The following CACNA2D4 variants were observed in gnomAD, a reference collection of about 807,000 sequenced individuals.
CACNA2D4 encodes the protein calcium voltage-gated channel auxiliary subunit alpha2delta 4.
Under a neutral mutation model 163.8 loss-of-function variants are expected in CACNA2D4, and 157 were observed. The ratio of observed to expected loss-of-function variants is 0.96; its 90% CI spans 0.84 to 1.09. The LOEUF (loss-of-function observed/expected upper bound fraction) is 1.09. Among genes scored for constraint, CACNA2D4 ranks in the 50% least tolerant of loss-of-function variants. CACNA2D4 has a pLI of 0.00. For missense variants in CACNA2D4, 1,410 were observed against 1,479.9 expected, an observed-to-expected ratio of 0.95 and a Z score of 0.78; for synonymous variants, 598 against 586.9, an observed-to-expected ratio of 1.02 and a Z score of -0.27.
In CACNA2D4 at chr12:1,811,707, C is replaced by T. The variant is rs1385257290; in HGVS notation, c.2568G>A (p.Met856Ile). 6.4e-7 allele frequency: 1 copy of T among 1,559,960 alleles called. No individual in the cohort carries two copies. Residue 856 changes from methionine to isoleucine, a missense_variant, in exon 27 of 38, where the codon ATG (methionine) becomes ATA (isoleucine). Physicochemically the swap from Met to Ile is conservative, Grantham distance 10. Coordinates refer to ENST00000382722, the MANE Select transcript of CACNA2D4 (RefSeq NM_172364.5). ...TAIAAAAGVQ[M>I]KLEFLQRKFW... ...ATTTGCGCTGGAGGAATTCCAGCTT[C>T]ATTTGGACGCCCGCGGCTACAGGGC...
At chr12:1,909,747 C>A (rs1302803416) in intron 4 of CACNA2D4, among the ~76,000 whole-genome samples, 159 bp downstream of exon 4, 1 of 152,228 alleles carries the variant, frequency 6.6e-6, no homozygotes, top group Non-Finnish European at 1.5e-5. Flanking sequence ...AAGTTCCGAT[C>A]CAGAGGCTAG....
Position 1,886,993 on chromosome 12 carries a change from C to T in CACNA2D4, c.842+16G>A, listed in dbSNP as rs1411388039. On this transcript the variant is annotated intron_variant, in intron 7 of 37. Coordinates refer to ENST00000382722, the MANE Select transcript of CACNA2D4 (RefSeq NM_172364.5). ...TAAATACCCGGGCCGCAAACCTTTC[C>T]CCTGTGAGCTCTTACCAGCCGCGGT... The T allele has an allele frequency of 6.4e-7, 1 of 1,571,406 alleles. No homozygotes were observed. The highest frequency in any genetic ancestry group is 8.7e-7 in the Non-Finnish European group (1 of 1,150,026).
chr12:1,879,050 C>T lies in CACNA2D4; in HGVS notation c.1564-14G>A, dbSNP rs780764776. 9 of 1,611,370 alleles carry T rather than the reference C, an allele frequency of 5.6e-6. 2 individuals are homozygous for T. In the South Asian group the frequency reaches 6.6e-5, roughly 12 times the overall value. Reference sequence around the variant, plus strand: ...GCCATGGGATCGCTGGAAGGAAAGACACAAGGGGTGGGGGAGACCCAGCTT... The same window carrying T: ...GCCATGGGATCGCTGGAAGGAAAGATACAAGGGGTGGGGGAGACCCAGCTT... On this transcript the variant is annotated splice_polypyrimidine_tract_variant and intron_variant, in intron 14 of 37. Coordinates refer to ENST00000382722, the MANE Select transcript of CACNA2D4 (RefSeq NM_172364.5).
intron 29 of CACNA2D4, 91 bp downstream of exon 29, chr12:1,810,187 C>T (rs2154445802): frequency 9.3e-7 from 1 of 1,071,232 alleles, no homozygotes; most frequent in East Asian, 2.4e-5. Flanking sequence ...CCTCCTGGGG[C>T]CGTGGGGCTC....
chr12:1,873,484 C>T (rs1865825327), intron 18 of CACNA2D4, among the ~76,000 whole-genome samples: 1 of 152,144 alleles, frequency 6.6e-6, no homozygotes, highest in Non-Finnish European at 1.5e-5. Flanking sequence ...AGAAGAGAAC[C>T]ACACCCACTG....
chr12:1,801,630 C>A lies in CACNA2D4; in HGVS notation c.2736G>T (p.Leu912=). 6.3e-7 allele frequency: 1 copy of A among 1,586,152 alleles called. No individual in the cohort carries two copies. The highest frequency in any genetic ancestry group is 8.6e-7 in the Non-Finnish European group (1 of 1,165,472). ...SKRSRETGRF[L]GEVDGAVLTQ... ...TCAGGACAGCACCATCCACCTCCCCCAGAAATCTTCCCGTCTGTGAGAGAG... is the reference window on the plus strand; with the variant it reads ...TCAGGACAGCACCATCCACCTCCCCAAGAAATCTTCCCGTCTGTGAGAGAG... Residue 912 remains leucine (L), a synonymous_variant, in exon 30 of 38, where the codon CTG becomes CTT. Transcript: ENST00000382722.
intron 23 of CACNA2D4, among the ~76,000 whole-genome samples, chr12:1,846,944 G>A (rs1021231314): frequency 1.3e-5 from 2 of 152,204 alleles, no homozygotes; most frequent in Non-Finnish European, 2.9e-5. Context: ...TCTCTGCCTC[G>A]GCAGATCTAG....
chr12:1,816,914 C>CATACGTACACACACATGCACAT (rs1863896100), intron 26 of CACNA2D4, among the ~76,000 whole-genome samples: 1 of 152,252 alleles, frequency 6.6e-6, no homozygotes, highest in Non-Finnish European at 1.5e-5. Context: ...CACATGCACA[C>CATACGTACACACACATGCACAT]ATACGTACAC....
At chr12:1,909,814 C>T (rs1422398062) in intron 4 of CACNA2D4, 92 bp downstream of exon 4, 3 of 1,049,950 alleles carry the variant, frequency 2.9e-6, no homozygotes, top group African/African-American at 3.1e-5. Flanking sequence ...CAGTGGATCG[C>T]CACCCTACGC....
At chr12:1,894,486 T>G (rs909590676) in intron 6 of CACNA2D4, among the ~76,000 whole-genome samples, 1 of 152,130 alleles carries the variant, frequency 6.6e-6, no homozygotes, top group Admixed American at 6.5e-5. Context: ...GCAAAAAATC[T>G]TCAACAAAAT....
At position 1,918,537 on chromosome 12, in the gene CACNA2D4, C is replaced by A; in HGVS notation, c.-64G>T. 4 of 1,340,590 alleles carry A rather than the reference C, an allele frequency of 3.0e-6. No homozygotes were observed. Among genetic ancestry groups the A allele is most frequent in the South Asian group, 1.3e-5 (1 of 77,054 alleles). 83.0% of individuals were successfully genotyped at this position (1,340,590 alleles called of 1,614,324 possible). ...CAGGCCTTTGTCTTCCGTGCCTTGG[C>A]GAGCCTGGGGTCTCCAGCCTCTCAG... On this transcript the variant is annotated 5_prime_UTR_variant, in exon 1 of 38. Transcript: ENST00000382722.
intron 26 of CACNA2D4, among the ~76,000 whole-genome samples, chr12:1,830,728 C>T (rs892129210): frequency 1.2e-4 from 19 of 152,214 alleles, no homozygotes; most frequent in South Asian, 2.1e-4. Flanking sequence ...GCCCTGCAGA[C>T]ACTGTGTGAT....
intron 29 of CACNA2D4, among the ~76,000 whole-genome samples, chr12:1,807,056 T>C (rs1397038602): frequency 6.6e-6 from 1 of 151,884 alleles, no homozygotes; most frequent in Non-Finnish European, 1.5e-5. Context: ...CTCTTGAGTA[T>C]AGGTTGGACA....
intron 26 of CACNA2D4, among the ~76,000 whole-genome samples, chr12:1,822,585 A>C (rs1864150223): frequency 6.6e-6 from 1 of 152,112 alleles, no homozygotes; most frequent in Non-Finnish European, 1.5e-5. Flanking sequence ...TGCTTCCCAG[A>C]GGGTCTGTTT....
intron 6 of CACNA2D4, among the ~76,000 whole-genome samples, chr12:1,904,834 A>G (rs1866617613): frequency 6.6e-6 from 1 of 152,124 alleles, no homozygotes; most frequent in South Asian, 2.1e-4. Context: ...GCAGAAAATG[A>G]TGGACAAAAA....
rs1413551436 is a variant in CACNA2D4, at chr12:1,802,021, G to GTT, written c.2722-378_2722-377insAA. ...ACTGGATTTGTTTTATATGCTGTGT[G>GTT]TGTGTGTGTGTGTGTGTGTGTGTGT... On this transcript the variant is annotated intron_variant, in intron 29 of 37. Transcript: ENST00000382722. This position sits in a 1 kb window ranked among gnomAD's most constrained non-coding sequence, Gnocchi z 4.7. 0.011 allele frequency among the ~76,000 whole-genome samples: 639 copies of GTT among 56,536 alleles called. 4 individuals are homozygous for GTT. Among genetic ancestry groups the GTT allele is most frequent in the Middle Eastern group, 0.037 (3 of 82 alleles). 37.1% of individuals were successfully genotyped at this position (56,536 alleles called of 152,430 possible). A position where few individuals can be genotyped will look rare whatever the true frequency, so the allele number is the denominator to read the frequency against.
chr12:1,914,807 G>T, intron 2 of CACNA2D4, 47 bp downstream of exon 2: 1 of 1,356,964 alleles, frequency 7.4e-7, no homozygotes, highest in Non-Finnish European at 1.1e-6. Context: ...TTCGATGGCT[G>T]ACTGCCCTCT....
chr12:1,846,403 C>T (rs1462835058), intron 24 of CACNA2D4, among the ~76,000 whole-genome samples, 191 bp downstream of exon 24: 1 of 152,140 alleles, frequency 6.6e-6, no homozygotes, highest in Non-Finnish European at 1.5e-5. Flanking sequence ...ATCCGTAAGC[C>T]TTCGGGGAAG....
rs1864482758 is a variant in CACNA2D4 at position 1,828,766 on chromosome 12, T to A, written c.2551+11973A>T. On this transcript the variant is annotated intron_variant, in intron 26 of 37. Transcript: ENST00000382722. The surrounding 1 kb of genome is among the most constrained non-coding windows in gnomAD (Gnocchi z 4.2). ...CGGCGCTGGAAGAGACTTTGGGGAG[T>A]GGGTCCAACCCCTCCTGCATATAGG... Among the ~76,000 whole-genome samples, 1 of 151,944 alleles carries A rather than the reference T, an allele frequency of 6.6e-6. No individual in the cohort carries two copies. Among genetic ancestry groups the A allele is most frequent in the African/African-American group, 2.4e-5 (1 of 41,366 alleles).
Sources: allele counts gnomAD v4.1 joint callset (sites outside exome capture counted in the v4.1 genomes callset), GRCh38; gene constraint gnomAD v4.1.1; non-coding constraint Gnocchi (gnomAD v3.1); transcripts MANE v1.5; gene names NCBI Gene and HGNC (gene_info 2026-07-23, HGNC 2026-07-21).